PPP3CA: variants seen among roughly 807,000 people sequenced by gnomAD.
PPP3CA encodes protein phosphatase 3 catalytic subunit alpha, also known as CAM-PRP catalytic subunit.
A neutral mutation model predicts 66.5 loss-of-function variants in PPP3CA; 14 were observed. The ratio of observed to expected loss-of-function variants is 0.21; its 90% CI spans 0.14 to 0.33. The LOEUF is 0.33. PPP3CA is among the 10% of genes least tolerant of loss of function. The pLI is 1.00. For missense variants in PPP3CA, 317 were observed against 639.5 expected, an observed-to-expected ratio of 0.50 and a Z score of 5.44; for synonymous variants, 232 against 226.2, an observed-to-expected ratio of 1.03 and a Z score of -0.23.
At chr4:101,083,457 A>G (rs1030934004) in intron 6 of PPP3CA, among the ~76,000 whole-genome samples, 194 bp from the exon 7 acceptor site, 1 of 152,162 alleles carries the variant, frequency 6.6e-6, no homozygotes, top group Non-Finnish European at 1.5e-5. Flanking sequence ...TACTTTTTAC[A>G]TAATCAGAAA....
chr4:101,319,568 C>G (rs954201205), intron 1 of PPP3CA, among the ~76,000 whole-genome samples: 1 of 152,056 alleles, frequency 6.6e-6, no homozygotes, highest in Non-Finnish European at 1.5e-5. Flanking sequence ...TTCAAATGGG[C>G]AGATTAGATG....
At chr4:101,249,841 A>C (rs1726617008) in intron 1 of PPP3CA, among the ~76,000 whole-genome samples, 1 of 152,122 alleles carries the variant, frequency 6.6e-6, no homozygotes, top group African/African-American at 2.4e-5. Flanking sequence ...TTAGTATTTT[A>C]TATTATTTTA....
At chr4:101,106,237 C>G (rs932743203) in intron 3 of PPP3CA, among the ~76,000 whole-genome samples, 2 of 151,470 alleles carry the variant, frequency 1.3e-5, no homozygotes, top group East Asian at 1.9e-4. Flanking sequence ...GGGAGGATCA[C>G]TTGAGACAGG....
intron 6 of PPP3CA, among the ~76,000 whole-genome samples, chr4:101,087,587 C>T (rs1008964347): frequency 2.0e-5 from 3 of 152,062 alleles, no homozygotes; most frequent in Non-Finnish European, 4.4e-5. Context: ...TGGTCACTAT[C>T]GGCTTCTTTC....
At chr4:101,135,046 A>T (rs904497081) in intron 2 of PPP3CA, among the ~76,000 whole-genome samples, 1 of 152,070 alleles carries the variant, frequency 6.6e-6, no homozygotes, top group Non-Finnish European at 1.5e-5. Context: ...AAGGAGGGGA[A>T]CATCACACAC....
chr4:101,306,755 C>T (rs187108778), intron 1 of PPP3CA, among the ~76,000 whole-genome samples: 1 of 152,272 alleles, frequency 6.6e-6, no homozygotes, highest in African/African-American at 2.4e-5. Flanking sequence ...TACAGACTTA[C>T]TGACAAAAAA....
chr4:101,066,273 C>T (rs551933675), intron 8 of PPP3CA, among the ~76,000 whole-genome samples: 56 of 152,234 alleles, frequency 3.7e-4, no homozygotes, highest in African/African-American at 1.3e-3. Context: ...AAGAAGAGCA[C>T]TGGACTGGAA....
At position 101,025,986 on chromosome 4, in the gene PPP3CA, C is replaced by T; in HGVS notation, c.1445G>A (p.Arg482Lys). ...EAKGLDRINE[R>K]MPPRRDAMPS... ...CATGGCATCTCTGCGAGGCGGCATC[C>T]TCTCATTAATTCGGTCTAAGCCCTT... The change falls in exon 14 of 14, where the codon AGG (arginine) becomes AAG (lysine). Residue 482 changes from arginine (R) to lysine (K), a missense_variant. Transcript: ENST00000394854. 1 of 1,613,890 alleles carries T rather than the reference C, an allele frequency of 6.2e-7. No homozygotes were observed. Among genetic ancestry groups the T allele is most frequent in the Non-Finnish European group, 8.5e-7 (1 of 1,179,884 alleles).
chr4:101,143,218 T>C (rs372745737), intron 2 of PPP3CA, among the ~76,000 whole-genome samples: 1 of 152,224 alleles, frequency 6.6e-6, no homozygotes, highest in Non-Finnish European at 1.5e-5. Context: ...AGAAGGTCTT[T>C]ATTCCTACCT....
intron 1 of PPP3CA, among the ~76,000 whole-genome samples, chr4:101,297,746 C>T (rs1405477244): frequency 1.3e-5 from 2 of 152,162 alleles, no homozygotes; most frequent in Non-Finnish European, 2.9e-5. Flanking sequence ...GATCCCCTGT[C>T]CTAAATCTGA....
intron 2 of PPP3CA, among the ~76,000 whole-genome samples, chr4:101,191,112 C>G (rs769468567): frequency 5.9e-5 from 9 of 152,182 alleles, no homozygotes; most frequent in Non-Finnish European, 1.3e-4. Context: ...ACAGTGTGGT[C>G]CCAGATCCAG....
rs560207574 is a variant in PPP3CA, at chr4:101,288,613, G to C, written c.58+58126C>G. 4.0e-5 allele frequency among the ~76,000 whole-genome samples: 6 copies of C among 151,080 alleles called. No homozygotes were observed. The East Asian group carries it at 1.2e-3, about 29-fold the overall frequency. ...CAACGGGAAGGAGGGGAAGGAGGAA[G>C]GGCAGAAGGGATTAATAACAAAATA... On this transcript the variant is annotated intron_variant, in intron 1 of 13. Transcript: ENST00000394854.
At chr4:101,028,538 T>TTCCACAGCCACTAGATGC (rs1297016827) in intron 13 of PPP3CA, among the ~76,000 whole-genome samples, 2 of 152,184 alleles carry the variant, frequency 1.3e-5, no homozygotes, top group Non-Finnish European at 2.9e-5. Flanking sequence ...TATCGGCCAC[T>TTCCACAGCCACTAGATGC]TCCACAGCCA....
chr4:101,131,218 A>T (rs1330940477), intron 2 of PPP3CA, among the ~76,000 whole-genome samples: 1 of 150,532 alleles, frequency 6.6e-6, no homozygotes, highest in African/African-American at 2.5e-5. Context: ...GCTGGGTGAC[A>T]AAAGTGAGAC....
chr4:101,250,806 G>A (rs1008735250), intron 1 of PPP3CA, among the ~76,000 whole-genome samples: 12 of 151,852 alleles, frequency 7.9e-5, no homozygotes, highest in African/African-American at 2.9e-4. Context: ...ATAAGCAAGT[G>A]TATTCTTCTT....
At chr4:101,030,400 A>G (rs935225863) in intron 12 of PPP3CA, among the ~76,000 whole-genome samples, 1 of 152,154 alleles carries the variant, frequency 6.6e-6, no homozygotes, top group Non-Finnish European at 1.5e-5. Flanking sequence ...GCAAAGTTGT[A>G]AGTAGTCTAC....
intron 2 of PPP3CA, among the ~76,000 whole-genome samples, chr4:101,118,497 C>CTCTTCT (rs3077957): frequency 6.6e-6 from 1 of 151,394 alleles, no homozygotes; most frequent in Non-Finnish European, 1.5e-5. Flanking sequence ...TTTGCTATTA[C>CTCTTCT]TCTTCTTCTT....
intron 1 of PPP3CA, among the ~76,000 whole-genome samples, chr4:101,340,653 C>T (rs1729785612): frequency 6.6e-6 from 1 of 152,234 alleles, no homozygotes; most frequent in African/African-American, 2.4e-5. Context: ...TTTTAAAATG[C>T]TGAAAATGTC....
chr4:101,304,448 A>G (rs1233794205), intron 1 of PPP3CA, among the ~76,000 whole-genome samples: 2 of 152,126 alleles, frequency 1.3e-5, no homozygotes, highest in African/African-American at 4.8e-5. Context: ...CAGTTGGTAG[A>G]TTTTACTTCC....
Sources: gnomAD v4.1 joint callset for allele counts (sites outside exome capture counted in the v4.1 genomes callset) on GRCh38, gnomAD v4.1.1 for gene constraint, MANE v1.5 for transcripts, NCBI Gene and HGNC (gene_info 2026-07-23, HGNC 2026-07-21) for gene names.